LAMC3: variants seen among roughly 807,000 people sequenced by gnomAD.
The protein encoded by LAMC3 is laminin subunit gamma 3, also known as laminin subunit gamma-3.
LAMC3 carries 128 observed loss-of-function variants against 173.8 expected under a neutral mutation model. That is an observed-to-expected ratio of 0.74 (90% CI 0.64 to 0.85). The LOEUF (loss-of-function observed/expected upper bound fraction) is 0.85, where lower values mean the gene tolerates loss of function less well. LAMC3 is among the 40% of genes least tolerant of loss of function. The pLI is 0.00. For synonymous variants in LAMC3, 897 were observed against 909.1 expected, an observed-to-expected ratio of 0.99 and a Z score of 0.24; for missense variants, 2,022 against 2,156.0, an observed-to-expected ratio of 0.94 and a Z score of 1.23.
At chr9:131,010,892 C>T (rs1240453487) in intron 1 of LAMC3, among the ~76,000 whole-genome samples, 1 of 152,206 alleles carries the variant, frequency 6.6e-6, no homozygotes, top group Non-Finnish European at 1.5e-5. Flanking sequence ...GTGTTCAGCC[C>T]GATTCCCATG....
chr9:131,087,764 G>T lies in LAMC3; in HGVS notation c.4424G>T (p.Arg1475Leu). Residue 1475 changes from arginine (R) to leucine (L), a missense_variant, in exon 27 of 28, where the codon CGT (arginine) becomes CTT (leucine). Physicochemically the swap from Arg to Leu is moderately radical, Grantham distance 102. Coordinates refer to ENST00000361069, the MANE Select transcript of LAMC3 (RefSeq NM_006059.4). ...ATGGAGCAGCAGATCCGGGAATCGC[G>T]TATCTCACTGGAGAAGGACATCGAG... ...SEMEQQIRES[R>L]ISLEKDIETL... 1 of 1,614,156 alleles carries T rather than the reference G, an allele frequency of 6.2e-7. No individual in the cohort carries two copies.
chr9:131,046,651 G>A (rs564265103), intron 8 of LAMC3, among the ~76,000 whole-genome samples: 1 of 150,006 alleles, frequency 6.7e-6, no homozygotes. Flanking sequence ...GAGTGTCCGC[G>A]CCCAGCTGTT....
chr9:131,039,306 G>A (rs1233149663), intron 6 of LAMC3, 58 bp downstream of exon 6: 18 of 1,424,390 alleles, frequency 1.3e-5, no homozygotes, highest in Non-Finnish European at 1.6e-5. Context: ...AGAAGCAGGA[G>A]GAACAGGCTG....
chr9:131,081,943 T>C, intron 23 of LAMC3, 116 bp from the exon 24 acceptor site: 1 of 736,030 alleles, frequency 1.4e-6, no homozygotes, highest in East Asian at 2.7e-5. Flanking sequence ...TGACCCAGCG[T>C]CAGGGATTTG....
chr9:131,012,232 T>G (rs1833429398), intron 1 of LAMC3, among the ~76,000 whole-genome samples: 1 of 152,032 alleles, frequency 6.6e-6, no homozygotes, highest in African/African-American at 2.4e-5. Flanking sequence ...CATTCTCTTT[T>G]GCCTGCTCTG....
chr9:131,091,356 G>A (rs574612282), intron 27 of LAMC3, among the ~76,000 whole-genome samples, 181 bp from the exon 28 acceptor site: 4 of 152,366 alleles, frequency 2.6e-5, no homozygotes, highest in African/African-American at 9.6e-5. Context: ...CCATGGGCCC[G>A]TTGGGATGCT....
At chr9:131,057,186 A>G (rs1443252643) in intron 12 of LAMC3, 39 bp downstream of exon 12, 3 of 1,570,042 alleles carry the variant, frequency 1.9e-6, no homozygotes, top group Non-Finnish European at 2.6e-6. Context: ...CACCTGGGTT[A>G]TACCCAAAAC....
rs577945551 is a variant in LAMC3 at position 131,073,476 on chromosome 9, G to A, written c.3494+155G>A. ...GTGTCACCAGCATGGGGAGGGGCAG[G>A]CAAGGTGGGTATAAGTCCAGAGATG... On this transcript the variant is annotated intron_variant, in intron 20 of 27. Transcript: ENST00000361069. 6.6e-5 allele frequency among the ~76,000 whole-genome samples: 10 copies of A among 152,324 alleles called. 1 individual carries two copies. In the South Asian group the frequency reaches 1.9e-3, roughly 28 times the overall value.
chr9:131,042,811 C>T lies in LAMC3; in HGVS notation c.1382+1076C>T, dbSNP rs551752357. On this transcript the variant is annotated intron_variant, in intron 7 of 27. Transcript: ENST00000361069. ...GCACTGTCAACACACCCCTTTCACA[C>T]CCACAACAGACATCACTAATGGCAT... Among the ~76,000 whole-genome samples the T allele has an allele frequency of 2.0e-5, 3 of 151,726 alleles. No homozygotes were observed. The South Asian group carries it at 6.3e-4, about 32-fold the overall frequency.
At chr9:131,035,040 T>C (rs1048850101) in intron 3 of LAMC3, among the ~76,000 whole-genome samples, 3 of 152,236 alleles carry the variant, frequency 2.0e-5, no homozygotes, top group African/African-American at 7.2e-5. Flanking sequence ...AACCTCTGCC[T>C]CTTGGGTCCA....
At chr9:131,059,679 G>A (rs1829770381) in intron 12 of LAMC3, among the ~76,000 whole-genome samples, 1 of 152,114 alleles carries the variant, frequency 6.6e-6, no homozygotes, top group Non-Finnish European at 1.5e-5. Flanking sequence ...AGCCCCTGTG[G>A]AGGAAGCAGG....
At position 131,009,275 on chromosome 9, in the gene LAMC3, G is replaced by A; in HGVS notation, c.61G>A (p.Gly21Ser). 1 of 1,366,816 alleles carries A rather than the reference G, an allele frequency of 7.3e-7. No homozygotes were observed. The highest frequency in any genetic ancestry group is 9.4e-7 in the Non-Finnish European group (1 of 1,064,832). 84.7% of individuals were successfully genotyped at this position (1,366,816 alleles called of 1,614,324 possible). Reference sequence around the variant, plus strand: ...GCTGGCACCGCGGGCGGCCGGCGCGGGCATGGGCGCGTGCTATGACGGCGC... The same window carrying A: ...GCTGGCACCGCGGGCGGCCGGCGCGAGCATGGGCGCGTGCTATGACGGCGC... ...ALLAPRAAGA[G>S]MGACYDGAGR... The change falls in exon 1 of 28, where the codon GGC (glycine) becomes AGC (serine). Residue 21 changes from glycine to serine, a missense_variant. Physicochemically the swap from Gly to Ser is moderately conservative, Grantham distance 56. Coordinates refer to ENST00000361069, the MANE Select transcript of LAMC3 (RefSeq NM_006059.4). The surrounding 1 kb of genome is among the most constrained non-coding windows in gnomAD (Gnocchi z 4.3).
chr9:131,009,726 T>C lies in LAMC3; in HGVS notation c.373+139T>C, dbSNP rs1376425628. On this transcript the variant is annotated intron_variant, in intron 1 of 27. Transcript: ENST00000361069. This position sits in a 1 kb window ranked among gnomAD's most constrained non-coding sequence, Gnocchi z 4.3. ...GGTGTTGGATGGAGGGGCTCAGAAATAGGAATTAGGCTGGGTGCGGTGGCT... is the reference window on the plus strand; with the variant it reads ...GGTGTTGGATGGAGGGGCTCAGAAACAGGAATTAGGCTGGGTGCGGTGGCT... The C allele has an allele frequency of 9.4e-7, 1 of 1,062,846 alleles. No individual in the cohort carries two copies. Among genetic ancestry groups the C allele is most frequent in the East Asian group, 2.8e-5 (1 of 35,896 alleles). 65.8% of individuals were successfully genotyped at this position (1,062,846 alleles called of 1,614,324 possible).
chr9:131,049,245 G>A, intron 9 of LAMC3, 115 bp downstream of exon 9: 1 of 738,516 alleles, frequency 1.4e-6, no homozygotes, highest in Non-Finnish European at 2.5e-6. Flanking sequence ...TTAGAGTTCT[G>A]GAGAAGTCAG....
At chr9:131,032,695 T>C (rs189143035) in intron 3 of LAMC3, among the ~76,000 whole-genome samples, 2 of 152,124 alleles carry the variant, frequency 1.3e-5, no homozygotes, top group East Asian at 3.9e-4. Context: ...TCTGAAGGAG[T>C]TTCGCTCTTG....
chr9:131,061,271 C>A, intron 13 of LAMC3, 48 bp downstream of exon 13: 1 of 1,509,436 alleles, frequency 6.6e-7, no homozygotes, highest in Non-Finnish European at 9.0e-7. Flanking sequence ...GGCCAAGCCC[C>A]GGCACTGTGA....
intron 12 of LAMC3, 99 bp from the exon 13 acceptor site, chr9:131,060,936 C>T: frequency 8.0e-7 from 1 of 1,253,564 alleles, no homozygotes; most frequent in Non-Finnish European, 1.2e-6. Context: ...GTCCCCACCC[C>T]ACTTCTGCCC....
chr9:131,053,094 G>A, intron 11 of LAMC3, 129 bp downstream of exon 11: 1 of 766,292 alleles, frequency 1.3e-6, no homozygotes, highest in Non-Finnish European at 2.3e-6. Flanking sequence ...TTGCCAAGAA[G>A]GAACCTTAGT....
intron 24 of LAMC3, among the ~76,000 whole-genome samples, chr9:131,082,453 G>A (rs544401843): frequency 1.2e-4 from 19 of 152,274 alleles, no homozygotes; most frequent in Admixed American, 5.2e-4. Flanking sequence ...GTTCAACCAG[G>A]TCAAGTCCAC....
Sources: gnomAD v4.1 joint callset for allele counts (sites outside exome capture counted in the v4.1 genomes callset) on GRCh38, gnomAD v4.1.1 for gene constraint, Gnocchi (gnomAD v3.1) non-coding constraint, MANE v1.5 for transcripts, NCBI Gene and HGNC (gene_info 2026-07-23, HGNC 2026-07-21) for gene names.